Variants in COG1 observed in about 807,000 individuals in gnomAD.
COG1 encodes the protein conserved oligomeric Golgi complex subunit 1.
In COG1, 61 loss-of-function variants were observed where a neutral mutation model predicts 102.2. That is an observed-to-expected ratio of 0.60 (90% CI 0.49 to 0.74). The LOEUF (loss-of-function observed/expected upper bound fraction) is 0.74. Ranked by LOEUF, COG1 falls within the 30% of genes least tolerant of loss-of-function variation. COG1 has a pLI of 0.00. For synonymous variants in COG1, 454 were observed against 493.6 expected (o/e 0.92, Z 1.06); for missense variants, 1,164 against 1,232.1 (o/e 0.94, Z 0.83).
chr17:73,207,945 A>G (rs1299771513), intron 13 of COG1: 21 of 1,208,196 alleles, frequency 1.7e-5, no homozygotes, highest in Non-Finnish European at 2.1e-5. Flanking sequence ...AAAAAAAAAA[A>G]AAGCTCTTGC....
At chr17:73,199,470 T>C (rs1348237015) in intron 4 of COG1, among the ~76,000 whole-genome samples, 1 of 152,226 alleles carries the variant, frequency 6.6e-6, no homozygotes, top group Non-Finnish European at 1.5e-5. Flanking sequence ...TGATGGGACC[T>C]CACACGTGTC....
intron 11 of COG1, 53 bp from the exon 12 acceptor site, chr17:73,206,655 T>G (rs988686705): frequency 7.2e-6 from 8 of 1,103,888 alleles, no homozygotes; most frequent in South Asian, 6.6e-5. Flanking sequence ...TTTTTTTTTT[T>G]GCCTTTCTTT....
At position 73,205,020 on chromosome 17, in the gene COG1, G is replaced by A. The variant is rs189816986; in HGVS notation, c.2383-533G>A. The A allele has an allele frequency of 5.5e-3, 943 of 171,478 alleles. 29 individuals are homozygous for A. Among genetic ancestry groups the A allele is most frequent in the Admixed American group, 0.044 (795 of 17,868 alleles). The allele number at this position is 171,478 out of a possible 1,614,324, so 10.6% of individuals were successfully genotyped here. A position where few individuals can be genotyped will look rare whatever the true frequency, so the allele number is the denominator to read the frequency against. ...TCTACTAAAAATACAAAAATTAGCC[G>A]GGTGTGGTGGCGTACATCTGTAGTC... On this transcript the variant is annotated intron_variant, in intron 9 of 13. Coordinates refer to ENST00000299886, the MANE Select transcript of COG1 (RefSeq NM_018714.3).
chr17:73,193,628 C>T (rs2061311843), intron 1 of COG1, among the ~76,000 whole-genome samples: 1 of 152,216 alleles, frequency 6.6e-6, no homozygotes, highest in South Asian at 2.1e-4. Context: ...GGCGCTTTCC[C>T]CCGACTTCCG....
At chr17:73,200,379 C>A (rs1252074385) in intron 5 of COG1, among the ~76,000 whole-genome samples, 187 bp from the exon 6 acceptor site, 2 of 152,172 alleles carry the variant, frequency 1.3e-5, no homozygotes, top group Admixed American at 1.3e-4. Context: ...GTGTGGGCAA[C>A]AGACTGCATG....
chr17:73,197,678 A>C (rs1330077865), intron 4 of COG1, among the ~76,000 whole-genome samples: 1 of 152,260 alleles, frequency 6.6e-6, no homozygotes, highest in Admixed American at 6.5e-5. Flanking sequence ...AGGTCAGAGA[A>C]GGCTTCCCTG....
At position 73,201,282 on chromosome 17, in the gene COG1, C is replaced by T. The variant is rs780897656; in HGVS notation, c.1455C>T (p.Ser485=). ...CTGAGAGTCCTAATGACCTGCCTTCCGATGCGGCCTGGGTCAGCGTGGCAA... is the reference window on the plus strand; with the variant it reads ...CTGAGAGTCCTAATGACCTGCCTTCTGATGCGGCCTGGGTCAGCGTGGCAA... The part of the protein sequence containing the change: ...LWSESPNDLP[S]DAAWVSVANR... Residue 485 remains serine (S), a synonymous_variant, in exon 7 of 14, where the codon TCC becomes TCT. Transcript: ENST00000299886. 28 of 1,614,098 alleles carry T rather than the reference C, an allele frequency of 1.7e-5. No individual in the cohort carries two copies. Among genetic ancestry groups the T allele is most frequent in the East Asian group, 1.3e-4 (6 of 44,898 alleles).
At chr17:73,206,361 T>C (rs1314072061) in intron 11 of COG1, 99 bp downstream of exon 11, 2 of 935,634 alleles carry the variant, frequency 2.1e-6, no homozygotes, top group African/African-American at 1.6e-5. Context: ...GGATGCAGCA[T>C]AGGGAGGGGA....
Position 73,207,207 on chromosome 17 carries a change from C to CA in COG1, c.2758dup (p.Ser920LysfsTer6). 6.2e-7 allele frequency: 1 copy of CA among 1,613,254 alleles called. No individual in the cohort carries two copies. The highest frequency in any genetic ancestry group is 1.7e-5 in the Admixed American group (1 of 59,938). On this transcript the variant is annotated frameshift_variant, in exon 13 of 14. Transcript: ENST00000299886. LOFTEE classifies it high-confidence loss of function. Reference sequence around the variant, plus strand: ...TTTGGACTTCTCCCACTGAGCATGACAAGCACTCGAAAGGCTAAATCAACC... The same window carrying CA: ...TTTGGACTTCTCCCACTGAGCATGACAAAGCACTCGAAAGGCTAAATCAACC...
chr17:73,200,460 C>A, intron 5 of COG1, 106 bp from the exon 6 acceptor site: 1 of 1,016,112 alleles, frequency 9.8e-7, no homozygotes, highest in Non-Finnish European at 1.6e-6. Flanking sequence ...TATTTATCTA[C>A]TGGAACTCAG....
intron 4 of COG1, among the ~76,000 whole-genome samples, chr17:73,197,837 G>T (rs941107294): frequency 6.6e-5 from 10 of 152,204 alleles, no homozygotes. Context: ...CATTGGGTGA[G>T]GGGGAGAGCT....
intron 1 of COG1, among the ~76,000 whole-genome samples, chr17:73,194,983 GAAGTTGCAAAT>G (rs1187090421): frequency 1.3e-5 from 2 of 152,154 alleles, no homozygotes; most frequent in Admixed American, 6.5e-5. Flanking sequence ...AAAACTATAG[GAAGTTGCAAAT>G]AAGTTTGCAT....
At chr17:73,207,327 T>C (rs745949210) in intron 13 of COG1, 71 bp downstream of exon 13, 5 of 1,356,446 alleles carry the variant, frequency 3.7e-6, no homozygotes, top group Non-Finnish European at 4.2e-6. Flanking sequence ...CATGATCAGC[T>C]CCCTTTTAAA....
In COG1 at chr17:73,196,899, G is replaced by C. The variant is rs771513054; in HGVS notation, c.561-1G>C. 6.2e-7 allele frequency: 1 copy of C among 1,614,144 alleles called. No homozygotes were observed. The highest frequency in any genetic ancestry group is 1.3e-5 in the African/African-American group (1 of 75,032). On this transcript the variant is annotated splice_acceptor_variant, in intron 2 of 13. Coordinates refer to ENST00000299886, the MANE Select transcript of COG1 (RefSeq NM_018714.3). LOFTEE classifies it high-confidence loss of function. ...GGCGACTTCTGTCATCATTTTTCTA[G>C]GTCAACTATTCTGCATGAAAGCAAG...
Position 73,199,802 on chromosome 17 carries a change from C to G in COG1, c.914-63C>G. ...TTGCCCAAGCTGGCCTGGCCTAACT[C>G]CCTGTTTCAATATGCACTTCAAAGG... On this transcript the variant is annotated intron_variant, in intron 4 of 13. Transcript: ENST00000299886. 3.7e-6 allele frequency: 6 copies of G among 1,605,412 alleles called. No homozygotes were observed. In the South Asian group the frequency reaches 4.4e-5, roughly 12 times the overall value.
Position 73,200,761 on chromosome 17 carries a change from C to A in COG1, c.1266C>A (p.Phe422Leu). 1 of 1,613,560 alleles carries A rather than the reference C, an allele frequency of 6.2e-7. No homozygotes were observed. Among genetic ancestry groups the A allele is most frequent in the Non-Finnish European group, 8.5e-7 (1 of 1,179,670 alleles). ...LFWEDMMQQL[F>L]LDRLQTLTKE... is the part of the protein sequence containing the mutation. ...GGGAAGATATGATGCAGCAACTGTT[C>A]CTTGACCGATTACAGGTGAGCTGGA... Residue 422 changes from phenylalanine (F) to leucine (L), a missense_variant, in exon 6 of 14, where the codon TTC becomes TTA. Physicochemically the swap from Phe to Leu is conservative, Grantham distance 22. Coordinates refer to ENST00000299886, the MANE Select transcript of COG1 (RefSeq NM_018714.3).
rs2061380579 is a variant in COG1, at chr17:73,207,175, T to C, written c.2730-6T>C. 1 of 1,613,062 alleles carries C rather than the reference T, an allele frequency of 6.2e-7. No homozygotes were observed. ...TGCTACTAAATTCTTTCCTCTTGTT[T>C]TGGAGGTTTGGACTTCTCCCACTGA... On this transcript the variant is annotated splice_region_variant and splice_polypyrimidine_tract_variant and intron_variant, in intron 12 of 13. Transcript: ENST00000299886.
chr17:73,203,561 G>C (rs1366616406), intron 8 of COG1, 71 bp from the exon 9 acceptor site: 1 of 1,577,308 alleles, frequency 6.3e-7, no homozygotes, highest in Non-Finnish European at 8.7e-7. Flanking sequence ...GTAAGATTAA[G>C]TGGATTCACT....
chr17:73,200,917 A>C lies in COG1; in HGVS notation c.1281+141A>C. The C allele has an allele frequency of 3.2e-6, 3 of 948,956 alleles. No homozygotes were observed. In the South Asian group the frequency reaches 4.1e-5, roughly 13 times the overall value. 58.8% of individuals were successfully genotyped at this position (948,956 alleles called of 1,614,324 possible). A position where few individuals can be genotyped will look rare whatever the true frequency, so the allele number is the denominator to read the frequency against. ...ATCCAGAGTCTAGAGCTGAAAATAC[A>C]CCAGGCCTCTGTCACTTGATCGGGA... is the stretch of plus-strand genomic sequence containing the variant. On this transcript the variant is annotated intron_variant, in intron 6 of 13. Transcript: ENST00000299886.
Sources: gnomAD v4.1 joint callset for allele counts (sites outside exome capture counted in the v4.1 genomes callset) on GRCh38, gnomAD v4.1.1 for gene constraint, MANE v1.5 for transcripts, NCBI Gene and HGNC (gene_info 2026-07-23, HGNC 2026-07-21) for gene names.